Variants in MSI2 observed in about 807,000 individuals in gnomAD.
The protein encoded by MSI2 is RNA-binding protein Musashi homolog 2.
Under a neutral mutation model 45.6 loss-of-function variants are expected in MSI2, and 17 were observed. The observed-to-expected ratio is 0.37, with a 90% confidence interval of 0.26 to 0.56. The LOEUF is 0.56. Ranked by LOEUF, MSI2 falls within the 20% of genes least tolerant of loss-of-function variation. The probability of loss-of-function intolerance (pLI) is 0.77; values close to 1 mark genes in which losing one functional copy is unlikely to be tolerated. For missense variants in MSI2, 293 were observed against 444.2 expected (o/e 0.66, Z 3.06); for synonymous variants, 156 against 158.2 (o/e 0.99, Z 0.11).
At chr17:57,426,315 A>G (rs76191700) in intron 6 of MSI2, among the ~76,000 whole-genome samples, 5,369 of 152,308 alleles carry the variant, frequency 0.035, 109 homozygotes, top group Middle Eastern at 0.085. Flanking sequence ...TTTGGCAATT[A>G]CGTCTTGCCT....
chr17:57,558,812 G>A (rs914133776), intron 7 of MSI2, among the ~76,000 whole-genome samples: 8 of 152,202 alleles, frequency 5.3e-5, no homozygotes, highest in Non-Finnish European at 7.3e-5. Flanking sequence ...TGTAATTCCA[G>A]CACTTTGGGA....
At chr17:57,675,916 G>A (rs746174407) in intron 12 of MSI2, among the ~76,000 whole-genome samples, 1 of 152,124 alleles carries the variant, frequency 6.6e-6, no homozygotes, top group Non-Finnish European at 1.5e-5. Context: ...TCTCCCTCCC[G>A]GTGTGTGTGA....
At chr17:57,590,695 A>G (rs1904745503) in intron 7 of MSI2, among the ~76,000 whole-genome samples, 1 of 152,152 alleles carries the variant, frequency 6.6e-6, no homozygotes, top group Non-Finnish European at 1.5e-5. Context: ...TTTGCTGACT[A>G]CTGGAGCCCC....
intron 8 of MSI2, among the ~76,000 whole-genome samples, chr17:57,615,600 G>GATC (rs766553109): frequency 6.6e-6 from 1 of 152,144 alleles, no homozygotes; most frequent in African/African-American, 2.4e-5. Flanking sequence ...AATCCTGAGG[G>GATC]ATTATTATTA....
intron 8 of MSI2, among the ~76,000 whole-genome samples, chr17:57,613,968 A>C (rs1907424368): frequency 6.6e-6 from 1 of 152,238 alleles, no homozygotes; most frequent in Non-Finnish European, 1.5e-5. Context: ...GAGCACTAAA[A>C]TATTTTTTGA....
chr17:57,656,738 A>T (rs1911623443), intron 11 of MSI2, among the ~76,000 whole-genome samples: 1 of 152,202 alleles, frequency 6.6e-6, no homozygotes, highest in African/African-American at 2.4e-5. Context: ...GGAACATCCA[A>T]GAGGAACCAC....
chr17:57,428,920 A>G (rs1448466662), intron 6 of MSI2, among the ~76,000 whole-genome samples: 4 of 152,218 alleles, frequency 2.6e-5, no homozygotes, highest in African/African-American at 9.6e-5. Context: ...GCATATATTT[A>G]TGATCAGTAT....
At chr17:57,632,595 G>A (rs1196688442) in intron 10 of MSI2, 9 of 1,066,302 alleles carry the variant, frequency 8.4e-6, no homozygotes, top group African/African-American at 1.6e-5. Flanking sequence ...AACACAGGGG[G>A]CCCATCCTGA....
intron 6 of MSI2, among the ~76,000 whole-genome samples, chr17:57,514,061 C>G (rs1371308106): frequency 1.3e-5 from 2 of 152,036 alleles, no homozygotes; most frequent in Admixed American, 6.5e-5. Flanking sequence ...GTAAGGATTC[C>G]TCACACAGTC....
At chr17:57,410,635 C>T (rs1202157578) in intron 6 of MSI2, among the ~76,000 whole-genome samples, 2 of 151,280 alleles carry the variant, frequency 1.3e-5, no homozygotes, top group East Asian at 3.9e-4. Context: ...GGTTTGTTTA[C>T]AGGAAGTCGT....
chr17:57,505,733 G>A (rs948720507), intron 6 of MSI2, among the ~76,000 whole-genome samples: 2 of 152,134 alleles, frequency 1.3e-5, no homozygotes, highest in Admixed American at 6.5e-5. Flanking sequence ...GTTTGGGGGT[G>A]CGGCGGGGGG....
intron 5 of MSI2, among the ~76,000 whole-genome samples, chr17:57,333,529 C>T (rs1053921734): frequency 6.6e-6 from 1 of 151,922 alleles, no homozygotes; most frequent in Non-Finnish European, 1.5e-5. Flanking sequence ...CCTCTGCCTC[C>T]TGGGTTCAAG....
intron 7 of MSI2, among the ~76,000 whole-genome samples, chr17:57,574,745 T>C (rs1400494820): frequency 6.6e-6 from 1 of 152,134 alleles, no homozygotes; most frequent in Non-Finnish European, 1.5e-5. Context: ...CTGTGGAGCT[T>C]CGGTTTCATC....
intron 5 of MSI2, among the ~76,000 whole-genome samples, chr17:57,335,089 A>G (rs951765888): frequency 6.6e-6 from 1 of 152,128 alleles, no homozygotes; most frequent in East Asian, 1.9e-4. Flanking sequence ...TGCACTGACC[A>G]GGAATCCGTC....
At chr17:57,447,309 G>T (rs970400845) in intron 6 of MSI2, among the ~76,000 whole-genome samples, 4 of 152,058 alleles carry the variant, frequency 2.6e-5, no homozygotes, top group African/African-American at 9.7e-5. Flanking sequence ...TCCCTATGTT[G>T]CCTGGGCTGG....
At chr17:57,593,658 C>T (rs1389783805) in intron 7 of MSI2, among the ~76,000 whole-genome samples, 1 of 151,268 alleles carries the variant, frequency 6.6e-6, no homozygotes, top group African/African-American at 2.4e-5. Flanking sequence ...TTCATAAATT[C>T]CAGGGATTAG....
chr17:57,342,307 G>A (rs539882934), intron 5 of MSI2, among the ~76,000 whole-genome samples: 1 of 152,302 alleles, frequency 6.6e-6, no homozygotes, highest in African/African-American at 2.4e-5. Context: ...GGCAGGGTTG[G>A]AACGCTGTTT....
At chr17:57,601,214 A>T (rs6503823) in intron 8 of MSI2, 91,246 of 152,070 alleles carry the variant, frequency 0.6, 28,134 homozygotes, top group African/African-American at 0.72. Context: ...GCTTGGGTTT[A>T]ACAGGTCCCA....
intron 5 of MSI2, among the ~76,000 whole-genome samples, chr17:57,290,031 G>A (rs1414406814): frequency 2.0e-5 from 3 of 152,242 alleles, no homozygotes; most frequent in African/African-American, 7.2e-5. Flanking sequence ...AGGGTGTGGG[G>A]AGTCTGGCCT....
Sources: allele counts gnomAD v4.1 joint callset (sites outside exome capture counted in the v4.1 genomes callset), GRCh38; gene constraint gnomAD v4.1.1; transcripts MANE v1.5; gene names NCBI Gene and HGNC (gene_info 2026-07-23, HGNC 2026-07-21).